Variants in IGF1 observed in about 807,000 individuals in gnomAD.
The protein encoded by IGF1 is insulin like growth factor 1.
Under a neutral mutation model 13.8 loss-of-function variants are expected in IGF1, and 4 were observed. That is an observed-to-expected ratio of 0.29 (90% confidence interval 0.14 to 0.66). IGF1 has a LOEUF of 0.66. Among genes scored for constraint, IGF1 ranks in the 30% least tolerant of loss-of-function variants. IGF1 has a pLI of 0.78. For missense variants in IGF1, 124 were observed against 188.5 expected, an observed-to-expected ratio of 0.66 and a Z score of 2.00; for synonymous variants, 76 against 72.6, an observed-to-expected ratio of 1.05 and a Z score of -0.23.
chr12:102,456,030 G>A (rs1296714613), intron 2 of IGF1, among the ~76,000 whole-genome samples: 1 of 152,066 alleles, frequency 6.6e-6, no homozygotes, highest in Non-Finnish European at 1.5e-5. Flanking sequence ...TGGTCATTAT[G>A]CTCAGTGTTA....
intron 2 of IGF1, among the ~76,000 whole-genome samples, chr12:102,449,927 C>T (rs377248695): frequency 6.6e-5 from 10 of 151,982 alleles, no homozygotes; most frequent in Non-Finnish European, 1.0e-4. Context: ...CAAAGAACAC[C>T]GGGCTCACGG....
At position 102,449,763 on chromosome 12, in the gene IGF1, C is replaced by G. The variant is rs903293240; in HGVS notation, c.220+25880G>C. On this transcript the variant is annotated intron_variant, in intron 2 of 3. Transcript: ENST00000337514. ...TCTCTGTGGAGGGATTTTATGAATT[C>G]AAGGTCTTTTACAGCCCTATAATTC... Among the ~76,000 whole-genome samples, 6 of 151,034 alleles carry G rather than the reference C, an allele frequency of 4.0e-5. No homozygotes were observed. The South Asian group carries it at 1.3e-3, about 32-fold the overall frequency.
chr12:102,433,663 G>C (rs11111272), intron 2 of IGF1, among the ~76,000 whole-genome samples: 101,613 of 151,990 alleles, frequency 0.67, 34,218 homozygotes, highest in Admixed American at 0.73. Context: ...TCATCCTTCT[G>C]TGTTTAGAAG....
chr12:102,446,210 A>G (rs987742517), intron 2 of IGF1, among the ~76,000 whole-genome samples: 2 of 152,250 alleles, frequency 1.3e-5, no homozygotes, highest in African/African-American at 2.4e-5. Context: ...CTGCCAAGTT[A>G]TGGTGTCAGG....
At chr12:102,420,756 C>T (rs753963547) in intron 2 of IGF1, among the ~76,000 whole-genome samples, 3 of 152,168 alleles carry the variant, frequency 2.0e-5, no homozygotes, top group Non-Finnish European at 4.4e-5. Context: ...GGGACAGAAA[C>T]TTGCTTTCTC....
chr12:102,470,099 G>T (rs1374289625), intron 2 of IGF1, among the ~76,000 whole-genome samples: 1 of 152,232 alleles, frequency 6.6e-6, no homozygotes, highest in East Asian at 1.9e-4. Flanking sequence ...TCACATATGT[G>T]GTGCTTACTG....
intron 2 of IGF1, among the ~76,000 whole-genome samples, chr12:102,441,320 C>G (rs907898751): frequency 1.3e-5 from 2 of 152,228 alleles, no homozygotes; most frequent in African/African-American, 4.8e-5. Flanking sequence ...CTCCTTTCTA[C>G]TCCTTTAACC....
intron 2 of IGF1, among the ~76,000 whole-genome samples, chr12:102,464,206 A>C (rs568406542): frequency 6.8e-4 from 103 of 152,124 alleles, no homozygotes; most frequent in Non-Finnish European, 1.3e-3. Flanking sequence ...GTAGCCTTTG[A>C]AAATTACCTG....
At position 102,441,915 on chromosome 12, in the gene IGF1, C is replaced by CTTCTTCTTCTTCTTCTTCTTCTT. The variant is rs1555244052; in HGVS notation, c.221-22226_221-22225insAAGAAGAAGAAGAAGAAGAAGAA. 7.5e-3 allele frequency among the ~76,000 whole-genome samples: 910 copies of CTTCTTCTTCTTCTTCTTCTTCTT among 122,050 alleles called. 52 individuals are homozygous for CTTCTTCTTCTTCTTCTTCTTCTT. Among genetic ancestry groups the CTTCTTCTTCTTCTTCTTCTTCTT allele is most frequent in the East Asian group, 0.039 (155 of 3,950 alleles). 80.1% of individuals were successfully genotyped at this position (122,050 alleles called of 152,430 possible). On this transcript the variant is annotated intron_variant, in intron 2 of 3. Coordinates refer to ENST00000337514, the MANE Select transcript of IGF1 (RefSeq NM_000618.5). ...GTCATTCTATTACACTGCTTCTTCT[C>CTTCTTCTTCTTCTTCTTCTTCTT]CTTCTTCTTCTTCTTCTTCTTCTTC... is the stretch of plus-strand genomic sequence containing the variant.
chr12:102,434,315 A>G (rs1194406331), intron 2 of IGF1, among the ~76,000 whole-genome samples: 2 of 113,616 alleles, frequency 1.8e-5, no homozygotes, highest in Non-Finnish European at 3.5e-5. Flanking sequence ...CCACCCCACA[A>G]CAGTCCCCAG....
chr12:102,458,042 A>G (rs1445154644), intron 2 of IGF1, among the ~76,000 whole-genome samples: 1 of 152,244 alleles, frequency 6.6e-6, no homozygotes, highest in Non-Finnish European at 1.5e-5. Context: ...GCAACTGGTC[A>G]TTCCAGTCAA....
At chr12:102,442,723 A>G (rs1877974595) in intron 2 of IGF1, among the ~76,000 whole-genome samples, 1 of 152,164 alleles carries the variant, frequency 6.6e-6, no homozygotes, top group South Asian at 2.1e-4. Context: ...GCTCTAACAC[A>G]TCTGGCTAAT....
chr12:102,445,991 C>T (rs1878287723), intron 2 of IGF1, among the ~76,000 whole-genome samples: 1 of 152,124 alleles, frequency 6.6e-6, no homozygotes, highest in Admixed American at 6.5e-5. Flanking sequence ...TTGAGATAAT[C>T]ATGTGGTTTT....
intron 3 of IGF1, among the ~76,000 whole-genome samples, chr12:102,403,463 G>GTT (rs749745849): frequency 7.0e-6 from 1 of 141,888 alleles, no homozygotes; most frequent in Non-Finnish European, 1.6e-5. Flanking sequence ...GATAGTGAGG[G>GTT]TTTTTTTTTT....
chr12:102,478,068 A>G (rs1881177324), intron 1 of IGF1, among the ~76,000 whole-genome samples: 2 of 150,300 alleles, frequency 1.3e-5, no homozygotes, highest in Non-Finnish European at 3.0e-5. Flanking sequence ...ACAAGACAGA[A>G]CCTCTAGTGC....
intron 2 of IGF1, among the ~76,000 whole-genome samples, 167 bp downstream of exon 2, chr12:102,475,476 G>C (rs997554075): frequency 6.6e-6 from 1 of 151,992 alleles, no homozygotes; most frequent in Non-Finnish European, 1.5e-5. Flanking sequence ...ACCTGCCAAA[G>C]TCCCGCCAAA....
chr12:102,420,993 T>G (rs1378271074), intron 2 of IGF1, among the ~76,000 whole-genome samples: 1 of 152,196 alleles, frequency 6.6e-6, no homozygotes, highest in Admixed American at 6.5e-5. Context: ...CTCATGTATT[T>G]TGCACTCCCT....
chr12:102,409,152 C>A lies in IGF1; in HGVS notation c.403-6586G>T, dbSNP rs944506657. On this transcript the variant is annotated intron_variant, in intron 3 of 3. Transcript: ENST00000337514. ...GTGGTGTTATAATTGGATGTAATAA[C>A]CCTCAGTCATTTACCTGGCATGCGG... Among the ~76,000 whole-genome samples the A allele has an allele frequency of 4.6e-5, 7 of 152,228 alleles. No individual in the cohort carries two copies. In the East Asian group the frequency reaches 1.2e-3, roughly 25 times the overall value.
intron 2 of IGF1, among the ~76,000 whole-genome samples, chr12:102,456,080 G>A (rs1030974536): frequency 2.6e-5 from 4 of 152,088 alleles, no homozygotes; most frequent in African/African-American, 9.7e-5. Context: ...TGGTAATTTG[G>A]TAAAACATCT....
Sources: allele counts gnomAD v4.1 joint callset (sites outside exome capture counted in the v4.1 genomes callset), GRCh38; gene constraint gnomAD v4.1.1; transcripts MANE v1.5; gene names NCBI Gene and HGNC (gene_info 2026-07-23, HGNC 2026-07-21).